The following KATNAL1 variants were observed in gnomAD, a reference collection of about 807,000 sequenced individuals.
KATNAL1 encodes the protein katanin p60 ATPase-containing subunit A-like 1.
In KATNAL1, 32 loss-of-function variants were observed where a neutral mutation model predicts 55.2. The observed-to-expected ratio is 0.58, with a 90% CI of 0.44 to 0.78. The LOEUF (loss-of-function observed/expected upper bound fraction) is 0.78. KATNAL1 is among the 30% of genes least tolerant of loss of function. KATNAL1 has a pLI of 0.00. For missense variants in KATNAL1, 466 were observed against 600.9 expected (o/e 0.78, Z 2.35); for synonymous variants, 193 against 193.6 (o/e 1.00, Z 0.02).
rs1445772708 is a variant in KATNAL1, at chr13:30,207,903, AAAATG to A, written c.*632_*636del. 1.3e-5 allele frequency: 2 copies of A among 152,268 alleles called. No individual in the cohort carries two copies. The highest frequency in any genetic ancestry group is 2.9e-5 in the Non-Finnish European group (2 of 68,046). 9.4% of individuals were successfully genotyped at this position (152,268 alleles called of 1,614,324 possible). A position where few individuals can be genotyped will look rare whatever the true frequency, so the allele number is the denominator to read the frequency against. On this transcript the variant is annotated 3_prime_UTR_variant, in exon 11 of 11. Transcript: ENST00000380615. The stretch of plus-strand genomic sequence containing the variant: ...ACTAAAGACAGAGAAATGACCTGGC[AAAATG>A]ATTCAAATACCACAGAGCGTGAGAA...
In KATNAL1 at chr13:30,255,450, G is replaced by A; in HGVS notation, c.489C>T (p.Asp163=). 6.6e-7 allele frequency: 1 copy of A among 1,522,834 alleles called. No individual in the cohort carries two copies. The highest frequency in any genetic ancestry group is 8.8e-7 in the Non-Finnish European group (1 of 1,135,046). 94.3% of individuals were successfully genotyped at this position (1,522,834 alleles called of 1,614,324 possible). A position where few individuals can be genotyped will look rare whatever the true frequency, so the allele number is the denominator to read the frequency against. The change falls in exon 4 of 11, where the codon GAC becomes GAT. Residue 163 remains aspartate, a synonymous_variant. Coordinates refer to ENST00000380615, the MANE Select transcript of KATNAL1 (RefSeq NM_032116.5). ...TTACAGAAAGACAGCATCTTGCCTT[G>A]TCATCTCTCCCTCTTGCTCTATAGT... ...DKDYRARGRD[D]KGRKNMQDGA...
chr13:30,272,165 C>T (rs908909351), intron 3 of KATNAL1, among the ~76,000 whole-genome samples: 19 of 152,150 alleles, frequency 1.2e-4, no homozygotes, highest in South Asian at 6.2e-4. Flanking sequence ...TTTGGGAGGC[C>T]GAGGCGGGCA....
At chr13:30,232,561 G>A (rs1876212344) in intron 6 of KATNAL1, among the ~76,000 whole-genome samples, 1 of 152,138 alleles carries the variant, frequency 6.6e-6, no homozygotes, top group African/African-American at 2.4e-5. Flanking sequence ...ACGACCAATT[G>A]ATGCTATAGG....
Position 30,240,503 on chromosome 13 carries a change from A to G in KATNAL1, c.683T>C (p.Met228Thr). 6.2e-7 allele frequency: 1 copy of G among 1,613,884 alleles called. No individual in the cohort carries two copies. Among genetic ancestry groups the G allele is most frequent in the Non-Finnish European group, 8.5e-7 (1 of 1,179,856 alleles). Residue 228 changes from methionine to threonine, a missense_variant, in exon 6 of 11, where the codon ATG becomes ACG. Met to Thr is a moderately conservative substitution (Grantham distance 81, BLOSUM62 -1). Around this residue, in one of 3 missense-constraint regions of KATNAL1, gnomAD observed 248 missense variants for 275.5 expected, o/e 0.90. Coordinates refer to ENST00000380615, the MANE Select transcript of KATNAL1 (RefSeq NM_032116.5). ...KLLREAVVLP[M>T]WMPDFFKGIR... ...CCCTTTGAAAAAGTCAGGCATCCAC[A>G]TTGGAAGAACAACAGCTTCCCTTAG...
intron 4 of KATNAL1, among the ~76,000 whole-genome samples, chr13:30,246,414 A>C (rs1044136442): frequency 6.6e-6 from 1 of 152,224 alleles, no homozygotes; most frequent in Admixed American, 6.5e-5. Flanking sequence ...TTAAGACTTA[A>C]ACTAACACCT....
At chr13:30,270,124 G>A in intron 3 of KATNAL1, among the ~76,000 whole-genome samples, 1 of 136,954 alleles carries the variant, frequency 7.3e-6, no homozygotes, top group Non-Finnish European at 1.7e-5. Flanking sequence ...GAGGTGAGGG[G>A]CGCCTCTGCC....
chr13:30,231,471 C>T lies in KATNAL1; in HGVS notation c.728G>A (p.Gly243Asp). 1.3e-6 allele frequency: 2 copies of T among 1,498,148 alleles called. No homozygotes were observed. Among genetic ancestry groups the T allele is most frequent in the South Asian group, 1.4e-5 (1 of 69,128 alleles). 92.8% of individuals were successfully genotyped at this position (1,498,148 alleles called of 1,614,324 possible). ...GCCTGGGGGTCCAACCATCAGTACA[C>T]CCTGAAATTTCAAAAGACAAATTAA... ...FFKGIRRPWK[G>D]VLMVGPPGTG... The change falls in exon 7 of 11, where the codon GGT becomes GAT. Residue 243 changes from glycine to aspartate, a missense_variant and splice_region_variant. By Grantham distance (94) the Gly-to-Asp change is moderately conservative. Coordinates refer to ENST00000380615, the MANE Select transcript of KATNAL1 (RefSeq NM_032116.5).
intron 3 of KATNAL1, among the ~76,000 whole-genome samples, chr13:30,269,760 A>G (rs1293482341): frequency 2.2e-5 from 3 of 136,898 alleles, no homozygotes; most frequent in South Asian, 5.1e-4. Flanking sequence ...CCGCCTGGCA[A>G]CCGCCCCGTC....
chr13:30,210,107 ACATCAACGACCACTGCTATATAATTTT>A lies in KATNAL1; in HGVS notation c.1274+182_1274+208del, dbSNP rs550531151. ...TTTCTTAAAAATCCAAAGATCAAAAACATCAACGACCACTGCTATATAATTTTCATCTCACAATGAAAAATAAAGTTA... is the reference window on the plus strand; with the variant it reads ...TTTCTTAAAAATCCAAAGATCAAAAACATCTCACAATGAAAAATAAAGTTA... On this transcript the variant is annotated intron_variant, in intron 10 of 10. Transcript: ENST00000380615. 3.1e-3 allele frequency among the ~76,000 whole-genome samples: 478 copies of A among 152,302 alleles called. 3 individuals are homozygous for A. The highest frequency in any genetic ancestry group is 0.014 in the Middle Eastern group (4 of 294).
intron 1 of KATNAL1, among the ~76,000 whole-genome samples, chr13:30,298,206 C>G (rs1039722253): frequency 2.6e-5 from 4 of 152,184 alleles, no homozygotes; most frequent in African/African-American, 4.8e-5. Flanking sequence ...ACAAAGCCCA[C>G]AGTATCTCTC....
intron 3 of KATNAL1, among the ~76,000 whole-genome samples, chr13:30,260,572 T>C (rs900737504): frequency 6.6e-6 from 1 of 151,992 alleles, no homozygotes. Context: ...ACGCAAAGAA[T>C]GCAGAAGCCT....
In KATNAL1 at chr13:30,255,557, C is replaced by A; in HGVS notation, c.382G>T (p.Ala128Ser). The part of the protein sequence containing the change: ...REVRPLRKEM[A>S]GVGARGPVGR... ...ACAGGTCCCCGGGCTCCTACTCCTG[C>A]CATTTCTTTCCTCAGAGGTCTTACT... The change falls in exon 4 of 11, where the codon GCA becomes TCA. Residue 128 changes from alanine to serine, a missense_variant. By Grantham distance (99) the Ala-to-Ser change is moderately conservative. This residue lies in a region of KATNAL1 where 248 missense variants were observed against 275.5 expected (regional missense o/e 0.90). Coordinates refer to ENST00000380615, the MANE Select transcript of KATNAL1 (RefSeq NM_032116.5). 6.3e-7 allele frequency: 1 copy of A among 1,587,674 alleles called. No individual in the cohort carries two copies. Among genetic ancestry groups the A allele is most frequent in the Non-Finnish European group, 8.6e-7 (1 of 1,166,778 alleles).
intron 9 of KATNAL1, 61 bp downstream of exon 9, chr13:30,227,351 T>C (rs1206658402): frequency 1.9e-5 from 29 of 1,522,030 alleles, no homozygotes; most frequent in Middle Eastern, 3.5e-4. Context: ...AATAAAGATT[T>C]AGATACATGG....
intron 1 of KATNAL1, among the ~76,000 whole-genome samples, chr13:30,301,915 A>G (rs1882881109): frequency 6.6e-6 from 1 of 152,246 alleles, no homozygotes; most frequent in Admixed American, 6.5e-5. Context: ...TCTGTCGCCC[A>G]GCCTGGAGTG....
intron 3 of KATNAL1, among the ~76,000 whole-genome samples, chr13:30,262,257 G>C (rs976983372): frequency 1.3e-5 from 2 of 151,862 alleles, no homozygotes; most frequent in Admixed American, 6.6e-5. Flanking sequence ...ATGCCCACAA[G>C]AGAAAGCAGG....
Position 30,287,755 on chromosome 13 carries a change from T to C in KATNAL1, c.-14-3964A>G, listed in dbSNP as rs776949899. On this transcript the variant is annotated intron_variant, in intron 1 of 10. Transcript: ENST00000380615. ...TATAAATTATTTCCCTTTAAAGTCA[T>C]TGTGAAACAAAAGCATAAATCCTAC... is the stretch of plus-strand genomic sequence containing the variant. Among the ~76,000 whole-genome samples the C allele has an allele frequency of 3.9e-5, 6 of 152,202 alleles. No homozygotes were observed. The East Asian group carries it at 5.8e-4, about 15-fold the overall frequency.
intron 3 of KATNAL1, among the ~76,000 whole-genome samples, chr13:30,266,012 C>CAAAAAA (rs776557665): frequency 2.8e-5 from 1 of 35,378 alleles, no homozygotes; most frequent in African/African-American, 1.1e-4. Flanking sequence ...AACTCCATCT[C>CAAAAAA]AAAAAAAAAA....
intron 3 of KATNAL1, among the ~76,000 whole-genome samples, chr13:30,270,006 C>T (rs868504493): frequency 1.4e-5 from 2 of 148,038 alleles, no homozygotes; most frequent in Non-Finnish European, 3.0e-5. Context: ...GGCCAGCCGC[C>T]CCGTCCGGGA....
chr13:30,275,188 G>T (rs1880752292), intron 3 of KATNAL1, among the ~76,000 whole-genome samples: 1 of 152,154 alleles, frequency 6.6e-6, no homozygotes, highest in South Asian at 2.1e-4. Context: ...ACCAACATCT[G>T]CTTGGCTTAT....
Sources: gnomAD v4.1 joint callset for allele counts (sites outside exome capture counted in the v4.1 genomes callset) on GRCh38, gnomAD v4.1.1 for gene constraint, gnomAD v4.1.1 regional missense constraint, MANE v1.5 for transcripts, NCBI Gene and HGNC (gene_info 2026-07-23, HGNC 2026-07-21) for gene names.